Variants in ADCY2 observed in about 807,000 individuals in gnomAD.
ADCY2 encodes the protein adenylate cyclase 2, also known as adenylate cyclase type 2.
Under a neutral mutation model 125.2 loss-of-function variants are expected in ADCY2, and 31 were observed. The ratio of observed to expected loss-of-function variants is 0.25; its 90% CI spans 0.19 to 0.33. The LOEUF (loss-of-function observed/expected upper bound fraction) is 0.33. Among genes scored for constraint, ADCY2 ranks in the 10% least tolerant of loss-of-function variants. The pLI is 1.00. For missense variants in ADCY2, 904 were observed against 1,418.2 expected, an observed-to-expected ratio of 0.64 and a Z score of 5.82; for synonymous variants, 512 against 548.4, an observed-to-expected ratio of 0.93 and a Z score of 0.93.
intron 4 of ADCY2, among the ~76,000 whole-genome samples, chr5:7,656,243 G>T (rs1206157725): frequency 6.6e-6 from 1 of 151,930 alleles, no homozygotes; most frequent in Non-Finnish European, 1.5e-5. Flanking sequence ...TAGTGGAGAC[G>T]GGGTTTCACC....
chr5:7,624,372 CCT>C (rs894580008), intron 3 of ADCY2, among the ~76,000 whole-genome samples: 2 of 151,972 alleles, frequency 1.3e-5, no homozygotes, highest in South Asian at 2.1e-4. Context: ...CTGATTATCC[CCT>C]GAGTTTACCC....
intron 9 of ADCY2, chr5:7,708,064 A>G: frequency 2.1e-6 from 1 of 471,584 alleles, no homozygotes; most frequent in Non-Finnish European, 3.6e-6. Flanking sequence ...AGGGGTGTTG[A>G]TGCAGGTTGC....
At chr5:7,520,349 C>A (rs62341507) in intron 2 of ADCY2, among the ~76,000 whole-genome samples, 32,960 of 152,022 alleles carry the variant, frequency 0.22, 4,497 homozygotes, top group East Asian at 0.4. Context: ...CCCTGTCCAC[C>A]CCCGTCCCCG....
intron 3 of ADCY2, among the ~76,000 whole-genome samples, chr5:7,577,287 C>T (rs1736280056): frequency 6.6e-6 from 1 of 152,058 alleles, no homozygotes; most frequent in East Asian, 1.9e-4. Flanking sequence ...AGATATATTA[C>T]CAAAAAAAGT....
rs998478074 is a variant in ADCY2 at position 7,577,831 on chromosome 5, G to A, written c.571-48336G>A. Among the ~76,000 whole-genome samples the A allele has an allele frequency of 2.8e-4, 43 of 152,248 alleles. 1 individual carries two copies. Among genetic ancestry groups the A allele is most frequent in the African/African-American group, 9.6e-4 (40 of 41,544 alleles). On this transcript the variant is annotated intron_variant, in intron 3 of 24. Transcript: ENST00000338316. Reference sequence around the variant, plus strand: ...TTGACCAGCGAAAAGAAAAATGTTTGGTTAAAAGCACTTACAGTTTGATTG... The same window carrying A: ...TTGACCAGCGAAAAGAAAAATGTTTAGTTAAAAGCACTTACAGTTTGATTG...
Position 7,601,023 on chromosome 5 carries a change from T to C in ADCY2, c.571-25144T>C, listed in dbSNP as rs184887230. On this transcript the variant is annotated intron_variant, in intron 3 of 24. Transcript: ENST00000338316. Reference sequence around the variant, plus strand: ...TTGGGTGGATTATGTTCATGAATTTTGAAATCCTTTAAAATCTCTTGGAAG... The same window carrying C: ...TTGGGTGGATTATGTTCATGAATTTCGAAATCCTTTAAAATCTCTTGGAAG... Among the ~76,000 whole-genome samples the C allele has an allele frequency of 1.9e-3, 290 of 152,306 alleles. 1 individual carries two copies. Among genetic ancestry groups the C allele is most frequent in the Non-Finnish European group, 3.2e-3 (220 of 68,026 alleles).
At chr5:7,684,570 G>A (rs1428531) in intron 4 of ADCY2, among the ~76,000 whole-genome samples, 40,395 of 152,094 alleles carry the variant, frequency 0.27, 6,833 homozygotes, top group Non-Finnish European at 0.39. Flanking sequence ...AAGAGTCATC[G>A]CATGTGAGTG....
intron 22 of ADCY2, among the ~76,000 whole-genome samples, 161 bp from the exon 23 acceptor site, chr5:7,816,705 C>A (rs1036332106): frequency 2.6e-5 from 4 of 152,244 alleles, no homozygotes; most frequent in African/African-American, 9.6e-5. Flanking sequence ...CACAGTGCTT[C>A]CTTGAGATGG....
intron 4 of ADCY2, among the ~76,000 whole-genome samples, chr5:7,674,736 T>G (rs989118354): frequency 1.3e-5 from 2 of 152,194 alleles, no homozygotes; most frequent in African/African-American, 4.8e-5. Context: ...CACCTCCATC[T>G]TATGCTTAGC....
At chr5:7,663,040 T>G (rs1187190060) in intron 4 of ADCY2, among the ~76,000 whole-genome samples, 1 of 152,234 alleles carries the variant, frequency 6.6e-6, no homozygotes, top group Non-Finnish European at 1.5e-5. Context: ...TGTTTAGTGT[T>G]GGATTAAGTA....
At chr5:7,744,751 G>A (rs974357799) in intron 15 of ADCY2, among the ~76,000 whole-genome samples, 7 of 152,240 alleles carry the variant, frequency 4.6e-5, no homozygotes, top group Non-Finnish European at 4.4e-5. Flanking sequence ...AGAAGCTTCA[G>A]AGATTTTTTT....
In ADCY2 at chr5:7,772,987, T is replaced by C; in HGVS notation, c.2270T>C (p.Val757Ala). ...ATATCCTGTTCCGTGTTCCTGCGGG[T>C]AAACTATGAGCTGAAGATGTTGATC... ...GLISCSVFLR[V>A]NYELKMLIMM... The change falls in exon 18 of 25, where the codon GTA becomes GCA. Residue 757 changes from valine (V) to alanine (A), a missense_variant. Around this residue, in one of 7 missense-constraint regions of ADCY2, gnomAD observed 221 missense variants for 246.2 expected, o/e 0.90. Transcript: ENST00000338316. 1 of 1,614,158 alleles carries C rather than the reference T, an allele frequency of 6.2e-7. No homozygotes were observed. Among genetic ancestry groups the C allele is most frequent in the Non-Finnish European group, 8.5e-7 (1 of 1,180,028 alleles).
intron 3 of ADCY2, among the ~76,000 whole-genome samples, chr5:7,620,404 T>C (rs1177895425): frequency 6.6e-6 from 1 of 152,168 alleles, no homozygotes; most frequent in Non-Finnish European, 1.5e-5. Context: ...TACCTTCCTG[T>C]CTCACTCCAC....
intron 2 of ADCY2, among the ~76,000 whole-genome samples, chr5:7,483,494 A>G (rs1742812670): frequency 2.0e-5 from 3 of 152,200 alleles, no homozygotes; most frequent in Admixed American, 2.0e-4. Flanking sequence ...AAAACATTTC[A>G]TTTCATGAAT....
intron 4 of ADCY2, among the ~76,000 whole-genome samples, chr5:7,640,650 C>T (rs967186172): frequency 2.0e-5 from 3 of 151,834 alleles, no homozygotes; most frequent in Non-Finnish European, 4.4e-5. Context: ...CTACTGTCTT[C>T]TGCCTTTGGT....
At chr5:7,760,459 C>T (rs1037540964) in intron 16 of ADCY2, among the ~76,000 whole-genome samples, 3 of 152,136 alleles carry the variant, frequency 2.0e-5, no homozygotes, top group Non-Finnish European at 4.4e-5. Context: ...GACACATGCC[C>T]GTAAAATTAA....
chr5:7,586,677 C>T (rs1561110683), intron 3 of ADCY2, among the ~76,000 whole-genome samples: 1 of 152,156 alleles, frequency 6.6e-6, no homozygotes, highest in Non-Finnish European at 1.5e-5. Context: ...CTTGCCCAGA[C>T]AGGCCCATGA....
intron 15 of ADCY2, among the ~76,000 whole-genome samples, chr5:7,756,826 T>C (rs1488662014): frequency 6.6e-6 from 1 of 152,208 alleles, no homozygotes; most frequent in Non-Finnish European, 1.5e-5. Context: ...CATTTTATAT[T>C]ATGTGTTTCT....
At chr5:7,493,719 G>A (rs1743248032) in intron 2 of ADCY2, among the ~76,000 whole-genome samples, 2 of 152,114 alleles carry the variant, frequency 1.3e-5, no homozygotes, top group Non-Finnish European at 2.9e-5. Flanking sequence ...GTGATGGAGG[G>A]ATAGTGGAGC....
Sources: gnomAD v4.1 joint callset for allele counts (sites outside exome capture counted in the v4.1 genomes callset) on GRCh38, gnomAD v4.1.1 for gene constraint, gnomAD v4.1.1 regional missense constraint, MANE v1.5 for transcripts, NCBI Gene and HGNC (gene_info 2026-07-23, HGNC 2026-07-21) for gene names.